Variants in MAPK10 observed in about 807,000 individuals in gnomAD.
MAPK10 encodes the protein mitogen-activated protein kinase 10.
In MAPK10, 25 loss-of-function variants were observed where a neutral mutation model predicts 59.3. The observed-to-expected ratio is 0.42, with a 90% CI of 0.31 to 0.59. MAPK10 has a LOEUF of 0.59. Among genes scored for constraint, MAPK10 ranks in the 20% least tolerant of loss-of-function variants. The pLI, the probability that MAPK10 is intolerant of heterozygous loss-of-function variation, is 0.15. For missense variants in MAPK10, 351 were observed against 568.9 expected, an observed-to-expected ratio of 0.62 and a Z score of 3.90; for synonymous variants, 190 against 200.5, an observed-to-expected ratio of 0.95 and a Z score of 0.44.
chr4:86,172,572 T>G (rs1581872372), intron 3 of MAPK10, among the ~76,000 whole-genome samples: 2 of 140,346 alleles, frequency 1.4e-5, no homozygotes, highest in East Asian at 2.1e-4. Flanking sequence ...TGCGGACTGT[T>G]GTGGGGTGGG....
intron 1 of MAPK10, among the ~76,000 whole-genome samples, chr4:86,411,319 C>T (rs1307329448): frequency 1.3e-5 from 2 of 152,150 alleles, no homozygotes; most frequent in African/African-American, 2.4e-5. Flanking sequence ...GCTTTACTTC[C>T]AACTATGTGG....
At chr4:86,336,827 G>A (rs1457590382) in intron 2 of MAPK10, among the ~76,000 whole-genome samples, 1 of 109,760 alleles carries the variant, frequency 9.1e-6, no homozygotes, top group Non-Finnish European at 1.7e-5. Flanking sequence ...GTCTTGCACT[G>A]TCACCCAGGC....
chr4:86,367,902 C>T (rs1738178113), intron 1 of MAPK10, among the ~76,000 whole-genome samples: 1 of 152,112 alleles, frequency 6.6e-6, no homozygotes, highest in Non-Finnish European at 1.5e-5. Context: ...TGGCATTACT[C>T]TTGCCATGTG....
Position 86,098,611 on chromosome 4 carries a change from G to A in MAPK10, c.731-16C>T. On this transcript the variant is annotated splice_polypyrimidine_tract_variant and intron_variant, in intron 8 of 13. Transcript: ENST00000641462. ...CATATATCCACTAGAACAGGAGAGA[G>A]AGGGTAGTGAAGAAAAGGGAGGAAA... 1 of 1,587,816 alleles carries A rather than the reference G, an allele frequency of 6.3e-7. No homozygotes were observed. Among genetic ancestry groups the A allele is most frequent in the South Asian group, 1.1e-5 (1 of 90,322 alleles).
At chr4:86,354,505 G>T in intron 2 of MAPK10, 25 bp downstream of exon 2, 3 of 1,040,680 alleles carry the variant, frequency 2.9e-6, no homozygotes, top group Non-Finnish European at 3.7e-6. Context: ...TCATGCTAAG[G>T]AATATTTTTA....
intron 2 of MAPK10, among the ~76,000 whole-genome samples, chr4:86,273,944 T>C (rs1224375567): frequency 6.6e-6 from 1 of 152,060 alleles, no homozygotes; most frequent in African/African-American, 2.4e-5. Context: ...ATTCTTATCT[T>C]GAATCAATAC....
At chr4:86,366,577 TAA>T (rs1293083241) in intron 1 of MAPK10, among the ~76,000 whole-genome samples, 1 of 152,110 alleles carries the variant, frequency 6.6e-6, no homozygotes, top group Non-Finnish European at 1.5e-5. Flanking sequence ...ACCAGGATGT[TAA>T]GAGACCTAAC....
At chr4:86,442,434 C>G (rs1749522413) in intron 1 of MAPK10, among the ~76,000 whole-genome samples, 1 of 152,136 alleles carries the variant, frequency 6.6e-6, no homozygotes, top group South Asian at 2.1e-4. Context: ...TTCCTAAGGT[C>G]ACACATACTC....
intron 1 of MAPK10, among the ~76,000 whole-genome samples, chr4:86,511,482 C>T (rs1756233683): frequency 6.6e-6 from 1 of 152,012 alleles, no homozygotes; most frequent in Admixed American, 6.6e-5. Context: ...GGGAGGATGG[C>T]TTGAGCACAG....
intron 2 of MAPK10, among the ~76,000 whole-genome samples, chr4:86,214,093 T>C (rs2086650207): frequency 6.6e-6 from 1 of 152,050 alleles, no homozygotes; most frequent in South Asian, 2.1e-4. Context: ...AATCAATCTA[T>C]GTAGTATATC....
intron 4 of MAPK10, among the ~76,000 whole-genome samples, chr4:86,116,408 G>A (rs913221782): frequency 2.0e-5 from 3 of 152,170 alleles, no homozygotes; most frequent in African/African-American, 7.2e-5. Flanking sequence ...ATGTGTATAA[G>A]AATATTGTCT....
chr4:86,262,252 A>G (rs1416469990), intron 2 of MAPK10, among the ~76,000 whole-genome samples: 2 of 152,150 alleles, frequency 1.3e-5, no homozygotes, highest in African/African-American at 4.8e-5. Flanking sequence ...TGCACATACA[A>G]TCTTTTGCCC....
intron 1 of MAPK10, among the ~76,000 whole-genome samples, chr4:86,410,945 T>G (rs958556534): frequency 2.6e-5 from 4 of 152,182 alleles, no homozygotes; most frequent in Admixed American, 6.5e-5. Flanking sequence ...TCTGCTAGCT[T>G]TTCAATGCGT....
At chr4:86,289,492 A>G (rs1341615858) in intron 2 of MAPK10, among the ~76,000 whole-genome samples, 3 of 151,932 alleles carry the variant, frequency 2.0e-5, no homozygotes, top group Non-Finnish European at 4.4e-5. Flanking sequence ...GTTAATATGC[A>G]TAAATATTTT....
intron 2 of MAPK10, among the ~76,000 whole-genome samples, chr4:86,341,356 G>A (rs1195366708): frequency 6.6e-6 from 1 of 152,168 alleles, no homozygotes; most frequent in African/African-American, 2.4e-5. Flanking sequence ...GACAATATGG[G>A]AAGGTATTTT....
chr4:86,085,092 C>A (rs1181459884), intron 9 of MAPK10, among the ~76,000 whole-genome samples: 2 of 152,078 alleles, frequency 1.3e-5, no homozygotes, highest in Non-Finnish European at 2.9e-5. Context: ...ATACAAAGAT[C>A]CAATCAAGAT....
At chr4:86,496,006 CATCAA>C in intron 1 of MAPK10, among the ~76,000 whole-genome samples, 1 of 152,214 alleles carries the variant, frequency 6.6e-6, no homozygotes, top group East Asian at 1.9e-4. Flanking sequence ...ATTACATAAA[CATCAA>C]AAATTTGAAA....
intron 2 of MAPK10, among the ~76,000 whole-genome samples, chr4:86,237,192 A>T (rs929474044): frequency 6.6e-6 from 1 of 152,176 alleles, no homozygotes; most frequent in Non-Finnish European, 1.5e-5. Context: ...ACATGATCTC[A>T]TTCCCTTTTA....
chr4:86,374,858 G>A (rs909738967), intron 1 of MAPK10, among the ~76,000 whole-genome samples: 3 of 152,140 alleles, frequency 2.0e-5, no homozygotes, highest in Non-Finnish European at 4.4e-5. Context: ...ACTGATGTAC[G>A]CTCTGATTGA....
Sources: allele counts gnomAD v4.1 joint callset (sites outside exome capture counted in the v4.1 genomes callset), GRCh38; gene constraint gnomAD v4.1.1; transcripts MANE v1.5; gene names NCBI Gene and HGNC (gene_info 2026-07-23, HGNC 2026-07-21).